The following ABCD4 variants were observed in gnomAD, a reference collection of about 807,000 sequenced individuals.
ABCD4 encodes lysosomal cobalamin transporter ABCD4.
Under a neutral mutation model 86.3 loss-of-function variants are expected in ABCD4, and 53 were observed. The ratio of observed to expected loss-of-function variants is 0.61; its 90% CI spans 0.49 to 0.77. ABCD4 has a LOEUF of 0.77. ABCD4 is among the 30% of genes least tolerant of loss of function. ABCD4 has a pLI of 0.00. For synonymous variants in ABCD4, 328 were observed against 313.6 expected (o/e 1.05, Z -0.49); for missense variants, 757 against 764.5 (o/e 0.99, Z 0.12).
In ABCD4 at chr14:74,287,886, C is replaced by G; in HGVS notation, c.1560G>C (p.Trp520Cys). ...TCTCCCCCGGGGACAGAACATCATA[C>G]CTGAGGAAAGGTAGGAGAGAGGACT... ...EGLDQQVDWN[W>C]YDVLSPGEMQ... The change falls in exon 17 of 19, where the codon TGG (tryptophan) becomes TGC (cysteine). Residue 520 changes from tryptophan to cysteine, a missense_variant and splice_region_variant. Physicochemically the swap from Trp to Cys is radical, Grantham distance 215. Transcript: ENST00000356924. 6.2e-7 allele frequency: 1 copy of G among 1,612,438 alleles called. No homozygotes were observed. Among genetic ancestry groups the G allele is most frequent in the East Asian group, 2.2e-5 (1 of 44,806 alleles).
Position 74,288,194 on chromosome 14 carries a change from G to T in ABCD4, c.1559+13C>A. The T allele has an allele frequency of 1.2e-6, 2 of 1,612,152 alleles. No individual in the cohort carries two copies. The highest frequency in any genetic ancestry group is 1.7e-6 in the Non-Finnish European group (2 of 1,179,198). On this transcript the variant is annotated intron_variant, in intron 16 of 18. Transcript: ENST00000356924. ...GTGGGGCTATCTCTGGAGCACCCAA[G>T]CTCTTTTCTTACCAGTTCCAGTCCA...
intron 16 of ABCD4, 83 bp from the exon 17 acceptor site, chr14:74,287,969 G>C (rs1321690747): frequency 7.4e-7 from 1 of 1,342,412 alleles, no homozygotes; most frequent in South Asian, 1.2e-5. Context: ...GTAGGAAGAG[G>C]TTTCTCTGCA....
chr14:74,296,289 G>A (rs767371575), intron 5 of ABCD4, 44 bp downstream of exon 5: 1 of 1,573,386 alleles, frequency 6.4e-7, no homozygotes, highest in African/African-American at 1.4e-5. Flanking sequence ...GCTGACTGAG[G>A]GCCCTCTGGG....
intron 14 of ABCD4, 174 bp downstream of exon 14, chr14:74,289,309 G>A (rs888014870): frequency 2.1e-6 from 3 of 1,408,014 alleles, no homozygotes; most frequent in Non-Finnish European, 2.8e-6. Context: ...AGAATGAGGT[G>A]AGATCTGGGT....
intron 6 of ABCD4, among the ~76,000 whole-genome samples, chr14:74,295,406 C>A (rs1210801814): frequency 6.6e-6 from 1 of 152,202 alleles, no homozygotes; most frequent in Non-Finnish European, 1.5e-5. Flanking sequence ...GACAGGGCTG[C>A]CCCTCAGCTT....
chr14:74,296,760 G>A (rs2082975354), intron 4 of ABCD4: 1 of 288,654 alleles, frequency 3.5e-6, no homozygotes, highest in East Asian at 7.6e-5. Context: ...CTTGAAGGTA[G>A]ATGAGCTGTT....
Position 74,297,955 on chromosome 14 carries a change from C to T in ABCD4, c.400G>A (p.Val134Met), listed in dbSNP as rs1435630055. 3.1e-6 allele frequency: 5 copies of T among 1,613,666 alleles called. No homozygotes were observed. The highest frequency in any genetic ancestry group is 2.2e-5 in the East Asian group (1 of 44,880). The stretch of plus-strand genomic sequence containing the variant: ...GGGTTATCGATGTCATCCCGCAGCA[C>T]GTTGAGGGTGTAGTACGCACGGCCC... ...FRGRAYYTLN[V>M]LRDDIDNPDQ... Residue 134 changes from valine to methionine, a missense_variant, in exon 4 of 19, where the codon GTG becomes ATG. By Grantham distance (21) the Val-to-Met change is conservative (BLOSUM62 1). Coordinates refer to ENST00000356924, the MANE Select transcript of ABCD4 (RefSeq NM_005050.4).
At chr14:74,288,652 C>T (rs769102171) in intron 15 of ABCD4, 64 bp downstream of exon 15, 70 of 1,580,410 alleles carry the variant, frequency 4.4e-5, no homozygotes, top group Non-Finnish European at 5.9e-5. Flanking sequence ...GGGCCAGCAC[C>T]TGCCTACCTG....
intron 1 of ABCD4, among the ~76,000 whole-genome samples, chr14:74,300,826 T>C (rs1295191002): frequency 6.6e-6 from 1 of 152,160 alleles, no homozygotes; most frequent in Non-Finnish European, 1.5e-5. Context: ...GGAGGTGGTA[T>C]CTGCAGAGTG....
rs541458648 is a variant in ABCD4 at position 74,301,378 on chromosome 14, T to C, written c.39-1110A>G. On this transcript the variant is annotated intron_variant, in intron 1 of 18. Transcript: ENST00000356924. The stretch of plus-strand genomic sequence containing the variant: ...TTTCACCATGTTGCCCAGGCTGATC[T>C]TGAACTCCTGGACTCCAGTGGTCCA... Among the ~76,000 whole-genome samples the C allele has an allele frequency of 1.3e-4, 20 of 152,038 alleles. 1 individual carries two copies. Among genetic ancestry groups the C allele is most frequent in the Admixed American group, 1.2e-3 (19 of 15,256 alleles).
At chr14:74,302,376 C>T (rs1246770861) in intron 1 of ABCD4, among the ~76,000 whole-genome samples, 1 of 152,044 alleles carries the variant, frequency 6.6e-6, no homozygotes, top group Non-Finnish European at 1.5e-5. Flanking sequence ...AATTCGAAAC[C>T]GCTATATAGA....
intron 13 of ABCD4, 110 bp downstream of exon 13, chr14:74,289,917 T>C: frequency 6.4e-7 from 1 of 1,563,104 alleles, no homozygotes; most frequent in Non-Finnish European, 8.6e-7. Context: ...CTTCACCACC[T>C]CACCTTTTGC....
In ABCD4 at chr14:74,286,192, T is replaced by C. The variant is rs560403421; in HGVS notation, c.*269A>G. ...TTAGCAAACATGATCTGAAATCATTTGTAGGTAATCAGCACTTCAAGCATA... is the reference window on the plus strand; with the variant it reads ...TTAGCAAACATGATCTGAAATCATTCGTAGGTAATCAGCACTTCAAGCATA... On this transcript the variant is annotated 3_prime_UTR_variant, in exon 19 of 19. Coordinates refer to ENST00000356924, the MANE Select transcript of ABCD4 (RefSeq NM_005050.4). 6.5e-5 allele frequency: 24 copies of C among 370,104 alleles called. No individual in the cohort carries two copies. The South Asian group carries it at 1.4e-3, about 21-fold the overall frequency. The allele number at this position is 370,104 out of a possible 1,614,324, so 22.9% of individuals were successfully genotyped here. A position where few individuals can be genotyped will look rare whatever the true frequency, so the allele number is the denominator to read the frequency against.
Position 74,298,081 on chromosome 14 carries a change from G to T in ABCD4, c.286-12C>A, listed in dbSNP as rs367990546. 2 of 1,612,034 alleles carry T rather than the reference G, an allele frequency of 1.2e-6. No homozygotes were observed. Among genetic ancestry groups the T allele is most frequent in the African/African-American group, 2.7e-5 (2 of 74,960 alleles). On this transcript the variant is annotated splice_polypyrimidine_tract_variant and intron_variant, in intron 3 of 18. Transcript: ENST00000356924. ...TCAAAGCTCTTCAGCTGTGCAGTGG[G>T]GGAAGCAAGGGGAAGGGAGAGATGG...
chr14:74,296,045 GC>G, intron 5 of ABCD4, 66 bp from the exon 6 acceptor site: 1 of 1,534,748 alleles, frequency 6.5e-7, no homozygotes, highest in Non-Finnish European at 8.7e-7. Context: ...ACATGCCTCA[GC>G]CCTGACTCCT....
At position 74,285,375 on chromosome 14, in the gene ABCD4, CAG is replaced by C. The variant is rs1218058719; in HGVS notation, c.*1084_*1085del. On this transcript the variant is annotated 3_prime_UTR_variant, in exon 19 of 19. Coordinates refer to ENST00000356924, the MANE Select transcript of ABCD4 (RefSeq NM_005050.4). The stretch of plus-strand genomic sequence containing the variant: ...TTACAAAATGAACAAGCCTCAGGCC[CAG>C]AGTCTATGCAGGCAACAGCATCTAG... 1 of 152,308 alleles carries C rather than the reference CAG, an allele frequency of 6.6e-6. No individual in the cohort carries two copies. The highest frequency in any genetic ancestry group is 1.5e-5 in the Non-Finnish European group (1 of 68,030). The allele number at this position is 152,308 out of a possible 1,614,324, so 9.4% of individuals were successfully genotyped here.
chr14:74,287,563 AAAAAAAAG>A (rs1435234350), intron 17 of ABCD4, among the ~76,000 whole-genome samples: 47 of 151,302 alleles, frequency 3.1e-4, no homozygotes, highest in African/African-American at 1.2e-3. Context: ...AAAAAAAAAA[AAAAAAAAG>A]AAAAGAAAAA....
At position 74,293,380 on chromosome 14, in the gene ABCD4, C is replaced by A. The variant is rs1044914353; in HGVS notation, c.720-132G>T. On this transcript the variant is annotated intron_variant, in intron 7 of 18. Coordinates refer to ENST00000356924, the MANE Select transcript of ABCD4 (RefSeq NM_005050.4). ...TGATCTTGGTCTCAGGATCTGTCTA[C>A]TGGTAGCGCCCATTCACGGCTTCAG... 20 of 720,688 alleles carry A rather than the reference C, an allele frequency of 2.8e-5. No homozygotes were observed. In the African/African-American group the frequency reaches 3.0e-4, roughly 11 times the overall value. 44.6% of individuals were successfully genotyped at this position (720,688 alleles called of 1,614,324 possible).
chr14:74,292,897 C>A, intron 8 of ABCD4, 28 bp from the exon 9 acceptor site: 1 of 1,613,866 alleles, frequency 6.2e-7, no homozygotes, highest in South Asian at 1.1e-5. Flanking sequence ...GTGAGACACC[C>A]AGGAACCATC....
Sources: gnomAD v4.1 joint callset for allele counts (sites outside exome capture counted in the v4.1 genomes callset) on GRCh38, gnomAD v4.1.1 for gene constraint, MANE v1.5 for transcripts, NCBI Gene and HGNC (gene_info 2026-07-23, HGNC 2026-07-21) for gene names.